The following ADGRV1 variants were observed in gnomAD, a reference collection of about 807,000 sequenced individuals.
ADGRV1 encodes G-protein coupled receptor 98.
A neutral mutation model predicts 596.2 loss-of-function variants in ADGRV1; 359 were observed. That is an observed-to-expected ratio of 0.60 (90% CI 0.55 to 0.66). The LOEUF is 0.66. ADGRV1 is among the 30% of genes least tolerant of loss of function. The pLI is 0.00. For synonymous variants in ADGRV1, 2,681 were observed against 2,679.2 expected (o/e 1.00, Z -0.02); for missense variants, 7,274 against 7,575.6 (o/e 0.96, Z 1.48).
At chr5:90,894,960 GCT>G (rs1771165904) in intron 83 of ADGRV1, among the ~76,000 whole-genome samples, 1 of 152,050 alleles carries the variant, frequency 6.6e-6, no homozygotes, top group African/African-American at 2.4e-5. Flanking sequence ...ACAGGGTCTT[GCT>G]CTGTCACCTA....
At chr5:90,646,112 G>A (rs1767717648) in intron 16 of ADGRV1, 21 bp downstream of exon 16, 6 of 1,521,588 alleles carry the variant, frequency 3.9e-6, no homozygotes, top group African/African-American at 1.4e-5. Context: ...TGTCTTATTT[G>A]AATGAGTTTA....
At chr5:90,797,286 G>GAAAA (rs1760837377) in intron 70 of ADGRV1, among the ~76,000 whole-genome samples, 1 of 23,622 alleles carries the variant, frequency 4.2e-5, no homozygotes, top group Non-Finnish European at 8.8e-5. Flanking sequence ...CAAATGAAAA[G>GAAAA]CAAAAAAAAA....
At chr5:90,603,070 T>C (rs546725653) in intron 1 of ADGRV1, among the ~76,000 whole-genome samples, 1 of 152,348 alleles carries the variant, frequency 6.6e-6, no homozygotes, top group Non-Finnish European at 1.5e-5. Context: ...ACTGTTCTCC[T>C]TCTCTGAGAT....
chr5:90,608,608 A>T (rs1268961690), intron 1 of ADGRV1, among the ~76,000 whole-genome samples: 1 of 152,176 alleles, frequency 6.6e-6, no homozygotes, highest in Non-Finnish European at 1.5e-5. Context: ...TAATATTGTG[A>T]TAATGCCTAA....
intron 31 of ADGRV1, among the ~76,000 whole-genome samples, chr5:90,691,694 T>G (rs1052683213): frequency 1.3e-5 from 2 of 152,166 alleles, no homozygotes; most frequent in Non-Finnish European, 2.9e-5. Flanking sequence ...CTGTTCTGTA[T>G]AAACTCTTAA....
intron 85 of ADGRV1, among the ~76,000 whole-genome samples, chr5:91,014,503 C>G (rs954159589): frequency 5.3e-5 from 8 of 151,718 alleles, no homozygotes; most frequent in African/African-American, 1.9e-4. Context: ...TCCATCAGGT[C>G]CTGGGAGTTT....
chr5:90,640,527 A>G (rs1766832718), intron 11 of ADGRV1, among the ~76,000 whole-genome samples: 1 of 152,138 alleles, frequency 6.6e-6, no homozygotes, highest in African/African-American at 2.4e-5. Flanking sequence ...AGTGCTTGGC[A>G]GGCACAGGCG....
At chr5:90,756,109 A>G (rs912223214) in intron 55 of ADGRV1, among the ~76,000 whole-genome samples, 4 of 152,038 alleles carry the variant, frequency 2.6e-5, no homozygotes, top group African/African-American at 9.6e-5. Flanking sequence ...AAATGTATGT[A>G]GCATTTACCA....
Position 90,769,922 on chromosome 5 carries a change from A to G in ADGRV1, c.12286-4264A>G, listed in dbSNP as rs374285785. Among the ~76,000 whole-genome samples, 3 of 152,168 alleles carry G rather than the reference A, an allele frequency of 2.0e-5. No individual in the cohort carries two copies. In the East Asian group the frequency reaches 5.8e-4, roughly 29 times the overall value. On this transcript the variant is annotated intron_variant, in intron 59 of 89. Coordinates refer to ENST00000405460, the MANE Select transcript of ADGRV1 (RefSeq NM_032119.4). Reference sequence around the variant, plus strand: ...CGAATTGGAAACTCAGAATTGATATAAAGATGAAAGAGCTGATAACAGTGG... The same window carrying G: ...CGAATTGGAAACTCAGAATTGATATGAAGATGAAAGAGCTGATAACAGTGG...
At chr5:90,629,020 C>A in intron 8 of ADGRV1, 188 bp downstream of exon 8, 1 of 681,486 alleles carries the variant, frequency 1.5e-6, no homozygotes, top group Non-Finnish European at 2.3e-6. Flanking sequence ...AAAAATTCCA[C>A]AAACTGTGAT....
chr5:90,981,172 G>A (rs1303252515), intron 84 of ADGRV1, among the ~76,000 whole-genome samples: 1 of 152,164 alleles, frequency 6.6e-6, no homozygotes, highest in Non-Finnish European at 1.5e-5. Flanking sequence ...GTGAACATTG[G>A]TTCAGTCTGG....
intron 72 of ADGRV1, among the ~76,000 whole-genome samples, chr5:90,807,016 C>T (rs530125610): frequency 6.4e-4 from 98 of 152,090 alleles, no homozygotes; most frequent in African/African-American, 1.7e-3. Flanking sequence ...CCATGCCTGG[C>T]TAATTTTTGT....
intron 83 of ADGRV1, among the ~76,000 whole-genome samples, chr5:90,934,196 T>G (rs973708439): frequency 2.0e-5 from 3 of 152,202 alleles, no homozygotes; most frequent in Non-Finnish European, 4.4e-5. Context: ...TCTCTAGATC[T>G]GTTCTGGCCT....
At chr5:90,663,816 C>T (rs1042745728) in intron 21 of ADGRV1, among the ~76,000 whole-genome samples, 7 of 151,948 alleles carry the variant, frequency 4.6e-5, no homozygotes, top group African/African-American at 1.7e-4. Context: ...GATCCAGTTT[C>T]AGCTTTCTAC....
At chr5:90,970,053 G>A (rs1421848305) in intron 84 of ADGRV1, among the ~76,000 whole-genome samples, 2 of 152,208 alleles carry the variant, frequency 1.3e-5, no homozygotes, top group Non-Finnish European at 2.9e-5. Context: ...AATGGTCTTA[G>A]CAAATGGCAC....
chr5:91,076,485 T>C (rs1788864256), intron 86 of ADGRV1, among the ~76,000 whole-genome samples: 1 of 152,118 alleles, frequency 6.6e-6, no homozygotes, highest in East Asian at 1.9e-4. Flanking sequence ...AGGAGCATAA[T>C]TAATGTTTAT....
At chr5:90,739,091 C>G (rs1273212853) in intron 50 of ADGRV1, among the ~76,000 whole-genome samples, 1 of 151,710 alleles carries the variant, frequency 6.6e-6, no homozygotes, top group Non-Finnish European at 1.5e-5. Context: ...TTGAAATTTT[C>G]TACTGAATTT....
Position 90,828,960 on chromosome 5 carries a change from T to C in ADGRV1, c.16385T>C (p.Val5462Ala), listed in dbSNP as rs1390438462. ...CATTGTCAGGTACCACAGGTTGAAG[T>C]GTATTTTTTTGTGGAACTATATGAA... is the stretch of plus-strand genomic sequence containing the variant. ...LKPEKVPQVE[V>A]YFFVELYEAT... The change falls in exon 77 of 90, where the codon GTG becomes GCG. Residue 5462 changes from valine to alanine, a missense_variant. By Grantham distance (64) the Val-to-Ala change is moderately conservative (BLOSUM62 0). This residue lies in a region of ADGRV1 where 1,874 missense variants were observed against 1,970.2 expected (regional missense o/e 0.95). Coordinates refer to ENST00000405460, the MANE Select transcript of ADGRV1 (RefSeq NM_032119.4). 1.3e-6 allele frequency: 2 copies of C among 1,580,758 alleles called. No individual in the cohort carries two copies. The highest frequency in any genetic ancestry group is 1.7e-6 in the Non-Finnish European group (2 of 1,159,968).
intron 83 of ADGRV1, among the ~76,000 whole-genome samples, chr5:90,964,679 C>G (rs557270528): frequency 6.7e-6 from 1 of 149,478 alleles, no homozygotes; most frequent in African/African-American, 2.5e-5. Context: ...AAACAGTCAA[C>G]GATCCTGTCT....
Sources: gnomAD v4.1 joint callset for allele counts (sites outside exome capture counted in the v4.1 genomes callset) on GRCh38, gnomAD v4.1.1 for gene constraint, gnomAD v4.1.1 regional missense constraint, MANE v1.5 for transcripts, NCBI Gene and HGNC (gene_info 2026-07-23, HGNC 2026-07-21) for gene names.